SNTG1: variants seen among roughly 807,000 people sequenced by gnomAD.
The protein encoded by SNTG1 is gamma-1-syntrophin.
Under a neutral mutation model 74.7 loss-of-function variants are expected in SNTG1, and 39 were observed. That is an observed-to-expected ratio of 0.52 (90% confidence interval 0.40 to 0.68). The LOEUF (loss-of-function observed/expected upper bound fraction) is 0.68. SNTG1 is among the 30% of genes least tolerant of loss of function. The probability of loss-of-function intolerance (pLI) is 0.00; values close to 1 mark genes in which losing one functional copy is unlikely to be tolerated. For missense variants in SNTG1, 685 were observed against 609.5 expected (o/e 1.12, Z -1.30); for synonymous variants, 254 against 217.1 (o/e 1.17, Z -1.49).
intron 2 of SNTG1, among the ~76,000 whole-genome samples, chr8:50,250,034 C>A (rs1323761783): frequency 1.3e-5 from 2 of 150,416 alleles, no homozygotes; most frequent in South Asian, 4.2e-4. Flanking sequence ...CAAGAAAACT[C>A]AGGGAGATAT....
chr8:50,137,972 C>A (rs1021870090), intron 1 of SNTG1, among the ~76,000 whole-genome samples: 1 of 152,168 alleles, frequency 6.6e-6, no homozygotes, highest in Non-Finnish European at 1.5e-5. Flanking sequence ...GAGTCCAATT[C>A]TTCAGCCTTT....
At chr8:50,613,839 A>G (rs561011674) in intron 13 of SNTG1, among the ~76,000 whole-genome samples, 1 of 152,152 alleles carries the variant, frequency 6.6e-6, no homozygotes, top group Non-Finnish European at 1.5e-5. Flanking sequence ...AATTTGTACA[A>G]TCACTCCATA....
chr8:50,564,096 C>T (rs1196436872), intron 12 of SNTG1, among the ~76,000 whole-genome samples: 1 of 150,334 alleles, frequency 6.7e-6, no homozygotes, highest in African/African-American at 2.5e-5. Flanking sequence ...CATACAAATA[C>T]AAGTGTCACA....
intron 2 of SNTG1, among the ~76,000 whole-genome samples, chr8:50,219,823 G>A (rs777354281): frequency 2.0e-5 from 3 of 152,234 alleles, no homozygotes; most frequent in South Asian, 4.1e-4. Flanking sequence ...TAACAAAGTA[G>A]CAAAGATTCC....
chr8:50,698,459 C>T (rs990156669), intron 15 of SNTG1, among the ~76,000 whole-genome samples: 1 of 152,098 alleles, frequency 6.6e-6, no homozygotes, highest in Non-Finnish European at 1.5e-5. Context: ...CCAAACAAAT[C>T]CCCTCCTGTA....
chr8:50,213,922 T>A (rs1296065556), intron 2 of SNTG1, among the ~76,000 whole-genome samples: 1 of 151,940 alleles, frequency 6.6e-6, no homozygotes, highest in African/African-American at 2.4e-5. Context: ...GTGCAGAAGC[T>A]CTTTAGTTTA....
In SNTG1 at chr8:50,189,737, T is replaced by G. The variant is rs1224026138; in HGVS notation, c.-28+17102T>G. Reference sequence around the variant, plus strand: ...GCATTTACACAGCAGAACAGAACATTTAATACATTTCAGAAGAGATAAACA... The same window carrying G: ...GCATTTACACAGCAGAACAGAACATGTAATACATTTCAGAAGAGATAAACA... On this transcript the variant is annotated intron_variant, in intron 2 of 18. Coordinates refer to ENST00000642720, the MANE Select transcript of SNTG1 (RefSeq NM_018967.5). Among the ~76,000 whole-genome samples the G allele has an allele frequency of 2.0e-5, 3 of 152,152 alleles. No homozygotes were observed. The East Asian group carries it at 5.8e-4, about 29-fold the overall frequency.
At chr8:50,063,608 C>T (rs993691839) in intron 1 of SNTG1, among the ~76,000 whole-genome samples, 1 of 152,152 alleles carries the variant, frequency 6.6e-6, no homozygotes, top group Non-Finnish European at 1.5e-5. Context: ...CATTTATGAC[C>T]AAACCACTTC....
intron 1 of SNTG1, among the ~76,000 whole-genome samples, chr8:50,101,018 A>C (rs1294250576): frequency 6.6e-6 from 1 of 152,096 alleles, no homozygotes; most frequent in Non-Finnish European, 1.5e-5. Flanking sequence ...ACTTATAAAC[A>C]AGAACATATG....
At chr8:50,213,685 G>A (rs865883429) in intron 2 of SNTG1, among the ~76,000 whole-genome samples, 2 of 151,682 alleles carry the variant, frequency 1.3e-5, no homozygotes, top group African/African-American at 2.4e-5. Context: ...GCCAGTGATG[G>A]TGAGCATTTT....
chr8:50,242,449 A>G (rs755887436), intron 2 of SNTG1, among the ~76,000 whole-genome samples: 14 of 149,934 alleles, frequency 9.3e-5, no homozygotes, highest in Non-Finnish European at 1.9e-4. Context: ...AATCACTTGA[A>G]CCTGGCAGGT....
intron 1 of SNTG1, among the ~76,000 whole-genome samples, chr8:50,042,441 G>A (rs1029371461): frequency 1.3e-5 from 2 of 152,196 alleles, no homozygotes; most frequent in African/African-American, 4.8e-5. Flanking sequence ...AGCTCCTGTA[G>A]TCTCAGCTAC....
intron 11 of SNTG1, among the ~76,000 whole-genome samples, chr8:50,537,387 C>T (rs2094315504): frequency 6.6e-6 from 1 of 152,188 alleles, no homozygotes; most frequent in Non-Finnish European, 1.5e-5. Context: ...ACCACATGCC[C>T]AGCAGCATAG....
intron 13 of SNTG1, among the ~76,000 whole-genome samples, chr8:50,597,362 C>CAT (rs775134720): frequency 3.2e-5 from 4 of 124,462 alleles, no homozygotes; most frequent in East Asian, 4.7e-4. Context: ...TATATATACA[C>CAT]ATATACATGT....
chr8:50,218,144 T>C (rs188081894), intron 2 of SNTG1, among the ~76,000 whole-genome samples: 1 of 152,320 alleles, frequency 6.6e-6, no homozygotes, highest in East Asian at 1.9e-4. Context: ...TCAATGTAAA[T>C]GTTATTTTTG....
chr8:50,602,587 A>C (rs2094782892), intron 13 of SNTG1, among the ~76,000 whole-genome samples: 1 of 152,152 alleles, frequency 6.6e-6, no homozygotes, highest in East Asian at 1.9e-4. Context: ...TTTGCTTACT[A>C]TTACTAGTGA....
At chr8:50,225,119 C>T (rs2085262040) in intron 2 of SNTG1, among the ~76,000 whole-genome samples, 1 of 152,014 alleles carries the variant, frequency 6.6e-6, no homozygotes, top group African/African-American at 2.4e-5. Context: ...TACAGGCGCC[C>T]ACCACCACGT....
chr8:50,376,987 T>A (rs2092399693), intron 2 of SNTG1, among the ~76,000 whole-genome samples: 1 of 152,044 alleles, frequency 6.6e-6, no homozygotes, highest in Non-Finnish European at 1.5e-5. Flanking sequence ...CAACCTGGCC[T>A]GAGTGTTCCC....
chr8:50,127,447 C>T (rs1036570614), intron 1 of SNTG1, among the ~76,000 whole-genome samples: 12 of 152,006 alleles, frequency 7.9e-5, no homozygotes, highest in African/African-American at 1.4e-4. Flanking sequence ...TGCTCTTTTT[C>T]GGTCCTTTTC....
Sources: gnomAD v4.1 joint callset for allele counts (sites outside exome capture counted in the v4.1 genomes callset) on GRCh38, gnomAD v4.1.1 for gene constraint, MANE v1.5 for transcripts, NCBI Gene and HGNC (gene_info 2026-07-23, HGNC 2026-07-21) for gene names.